The following PATL2 variants were observed in gnomAD, a reference collection of about 807,000 sequenced individuals.
PATL2 encodes the protein PAT1 homolog 2.
PATL2 carries 73 observed loss-of-function variants against 77.0 expected under a neutral mutation model. That is an observed-to-expected ratio of 0.95 (90% CI 0.78 to 1.15). The LOEUF (loss-of-function observed/expected upper bound fraction) is 1.15, where lower values mean the gene tolerates loss of function less well. Ranked by LOEUF, PATL2 falls within the 50% of genes most tolerant of loss-of-function variation. PATL2 has a pLI of 0.00. For synonymous variants in PATL2, 265 were observed against 257.1 expected, an observed-to-expected ratio of 1.03 and a Z score of -0.29; for missense variants, 618 against 655.4, an observed-to-expected ratio of 0.94 and a Z score of 0.62.
At chr15:44,672,734 T>G (rs2085751400) in intron 7 of PATL2, among the ~76,000 whole-genome samples, 1 of 152,176 alleles carries the variant, frequency 6.6e-6, no homozygotes, top group Admixed American at 6.5e-5. Flanking sequence ...TAGTCTCAGT[T>G]CCATCATGCT....
intron 3 of PATL2, among the ~76,000 whole-genome samples, chr15:44,686,205 A>G (rs1055167018): frequency 1.3e-4 from 20 of 152,130 alleles, no homozygotes; most frequent in African/African-American, 4.6e-4. Context: ...CATAAAAAAC[A>G]GTCTCTCAGA....
chr15:44,707,662 C>T (rs894059397), intron 3 of PATL2, among the ~76,000 whole-genome samples: 4 of 152,152 alleles, frequency 2.6e-5, no homozygotes, highest in African/African-American at 9.7e-5. Context: ...AAAGAAGTCT[C>T]TCTCTGAGCT....
At chr15:44,675,016 C>T (rs1236839838) in intron 5 of PATL2, 1 of 158,072 alleles carries the variant, frequency 6.3e-6, no homozygotes, top group African/African-American at 2.4e-5. Flanking sequence ...CTATAGTTGA[C>T]CAAGGGTAAC....
chr15:44,685,749 G>T (rs533866832), intron 3 of PATL2, among the ~76,000 whole-genome samples: 23 of 152,284 alleles, frequency 1.5e-4, no homozygotes, highest in Middle Eastern at 3.4e-3. Context: ...TAAAGCAGGG[G>T]TTGCAATCCT....
intron 3 of PATL2, among the ~76,000 whole-genome samples, chr15:44,680,807 A>T (rs949646805): frequency 6.6e-6 from 1 of 152,160 alleles, no homozygotes; most frequent in African/African-American, 2.4e-5. Flanking sequence ...ACAGGGACAA[A>T]CAGACATAAT....
At chr15:44,669,165 T>G in intron 13 of PATL2, 26 bp from the exon 14 acceptor site, 1 of 1,523,412 alleles carries the variant, frequency 6.6e-7, no homozygotes, top group Non-Finnish European at 8.9e-7. Flanking sequence ...GAGAACATTT[T>G]CAGAGCTCTG....
chr15:44,696,923 A>C (rs1021699538), intron 3 of PATL2, among the ~76,000 whole-genome samples: 1 of 152,190 alleles, frequency 6.6e-6, no homozygotes, highest in African/African-American at 2.4e-5. Flanking sequence ...ATTCCTTAGA[A>C]GTACTTACAT....
In PATL2 at chr15:44,676,553, C is replaced by T; in HGVS notation, c.-63G>A. 6.4e-7 allele frequency: 1 copy of T among 1,550,758 alleles called. No homozygotes were observed. The highest frequency in any genetic ancestry group is 8.7e-7 in the Non-Finnish European group (1 of 1,146,448). ...TCCAGTGAAACAGCATTGCCAGCCT[C>T]TGGAAGGTAAACCTGAGACAAGAAA... On this transcript the variant is annotated 5_prime_UTR_variant, in exon 4 of 18. Coordinates refer to ENST00000682850, the MANE Select transcript of PATL2 (RefSeq NM_001387263.1).
chr15:44,701,698 C>CAAAA (rs77174261), intron 3 of PATL2, among the ~76,000 whole-genome samples: 1 of 52,788 alleles, frequency 1.9e-5, no homozygotes, highest in African/African-American at 7.0e-5. Context: ...GACCCTGTCT[C>CAAAA]AAAAAAAAAA....
chr15:44,692,397 C>G (rs12591898), intron 3 of PATL2, among the ~76,000 whole-genome samples: 12,325 of 152,024 alleles, frequency 0.081, 1,231 homozygotes, highest in East Asian at 0.23. Context: ...AGACAAAAAC[C>G]AACGACAACA....
In PATL2 at chr15:44,669,014, A is replaced by G. The variant is rs1454250977; in HGVS notation, c.1190T>C (p.Leu397Pro). Residue 397 changes from leucine to proline, a missense_variant, in exon 14 of 18, where the codon CTG becomes CCG. Transcript: ENST00000682850. ...VTILLAITHHLPLLVRRDVAD... is the reference protein window; with the variant it reads ...VTILLAITHHPPLLVRRDVAD... Reference sequence around the variant, plus strand: ...CACATCCCTCCGGACCAGGAGGGGCAGATGGTGGGTGATAGCCAAAAGAAT... The same window carrying G: ...CACATCCCTCCGGACCAGGAGGGGCGGATGGTGGGTGATAGCCAAAAGAAT... 3 of 1,550,588 alleles carry G rather than the reference A, an allele frequency of 1.9e-6. No individual in the cohort carries two copies. The highest frequency in any genetic ancestry group is 3.3e-4 in the Middle Eastern group (2 of 5,990).
chr15:44,703,583 G>A (rs950363571), intron 3 of PATL2, among the ~76,000 whole-genome samples: 1 of 151,540 alleles, frequency 6.6e-6, no homozygotes, highest in Non-Finnish European at 1.5e-5. Context: ...AATCTATTTT[G>A]TCTGATGTAA....
chr15:44,691,822 CA>C lies in PATL2; in HGVS notation c.-75-15258del, dbSNP rs1214137026. Among the ~76,000 whole-genome samples, 17 of 151,796 alleles carry C rather than the reference CA, an allele frequency of 1.1e-4. No homozygotes were observed. The South Asian group carries it at 1.9e-3, about 17-fold the overall frequency. On this transcript the variant is annotated intron_variant, in intron 3 of 17. Coordinates refer to ENST00000682850, the MANE Select transcript of PATL2 (RefSeq NM_001387263.1). ...AATAAATAGATAAATAAATAAGATACAAAGTAAAACAAGGAGATACAATTGA... is the reference window on the plus strand; with the variant it reads ...AATAAATAGATAAATAAATAAGATACAAGTAAAACAAGGAGATACAATTGA...
chr15:44,708,694 A>G (rs903332320), intron 3 of PATL2, among the ~76,000 whole-genome samples: 2 of 152,186 alleles, frequency 1.3e-5, no homozygotes, highest in Non-Finnish European at 2.9e-5. Context: ...CAATGGGTTT[A>G]TTCATTTACC....
At chr15:44,680,911 C>T (rs2086120388) in intron 3 of PATL2, among the ~76,000 whole-genome samples, 1 of 152,128 alleles carries the variant, frequency 6.6e-6, no homozygotes, top group Non-Finnish European at 1.5e-5. Context: ...AGTCCCCTAC[C>T]CTTACTTCCA....
At chr15:44,677,945 C>G (rs938457578) in intron 3 of PATL2, among the ~76,000 whole-genome samples, 2 of 152,182 alleles carry the variant, frequency 1.3e-5, no homozygotes, top group Admixed American at 6.5e-5. Flanking sequence ...GTTCAAGATT[C>G]TCCTGCCTCA....
At chr15:44,700,090 G>A (rs939723655) in intron 3 of PATL2, among the ~76,000 whole-genome samples, 1 of 152,086 alleles carries the variant, frequency 6.6e-6, no homozygotes, top group Non-Finnish European at 1.5e-5. Context: ...GCTTTAGGTA[G>A]TATAGATATT....
intron 3 of PATL2, 41 bp from the exon 4 acceptor site, chr15:44,676,606 G>T: frequency 6.8e-7 from 1 of 1,479,388 alleles, no homozygotes; most frequent in Non-Finnish European, 9.2e-7. Flanking sequence ...TCCTCAGTCA[G>T]TAAGGATGAC....
chr15:44,666,095 C>G, intron 17 of PATL2, 124 bp from the exon 18 acceptor site: 3 of 944,916 alleles, frequency 3.2e-6, no homozygotes, highest in Non-Finnish European at 4.7e-6. Context: ...GTTATTCATG[C>G]TTATATCCTA....
Sources: allele counts gnomAD v4.1 joint callset (sites outside exome capture counted in the v4.1 genomes callset), GRCh38; gene constraint gnomAD v4.1.1; transcripts MANE v1.5; gene names NCBI Gene and HGNC (gene_info 2026-07-23, HGNC 2026-07-21).